The following SYTL2 variants were observed in gnomAD, a reference collection of about 807,000 sequenced individuals.
SYTL2 encodes synaptotagmin like 2, also known as synaptotagmin-like protein 2.
SYTL2 carries 165 observed loss-of-function variants against 198.7 expected under a neutral mutation model. That is an observed-to-expected ratio of 0.83 (90% CI 0.73 to 0.94). The LOEUF (loss-of-function observed/expected upper bound fraction) is 0.94. SYTL2 is among the 40% of genes least tolerant of loss of function. The pLI is 0.00. For missense variants in SYTL2, 2,835 were observed against 2,582.8 expected (o/e 1.10, Z -2.12); for synonymous variants, 966 against 917.7 (o/e 1.05, Z -0.95).
the SYTL2 span, among the ~76,000 whole-genome samples, chr11:85,840,522 A>G: frequency 6.6e-6 from 1 of 152,198 alleles, no homozygotes; most frequent in Non-Finnish European, 1.5e-5. Flanking sequence ...ACTGGTACAA[A>G]AACAGACAAA....
rs148198993 is a variant in SYTL2 at position 85,702,251 on chromosome 11, G to A, written c.6190-1658C>T. 2.7e-3 allele frequency among the ~76,000 whole-genome samples: 409 copies of A among 150,474 alleles called. 8 individuals are homozygous for A. Among genetic ancestry groups the A allele is most frequent in the South Asian group, 1.7e-3 (8 of 4,774 alleles). On this transcript the variant is annotated intron_variant, in intron 16 of 19. Transcript: ENST00000359152. ...GTTGCCCACACTGGAGTGCAATGGC[G>A]TGATCTCAGTTCATTGCAACCACCA...
intron 1 of SYTL2, among the ~76,000 whole-genome samples, chr11:85,760,935 T>TCC (rs901704941): frequency 1.3e-5 from 2 of 152,184 alleles, no homozygotes; most frequent in Non-Finnish European, 2.9e-5. Flanking sequence ...AAGAGAGCCC[T>TCC]CAGAGGGCAA....
At position 85,736,633 on chromosome 11, in the gene SYTL2, T is replaced by A; in HGVS notation, c.472-18A>T. The A allele has an allele frequency of 7.6e-7, 1 of 1,314,812 alleles. No individual in the cohort carries two copies. The highest frequency in any genetic ancestry group is 1.1e-6 in the Non-Finnish European group (1 of 915,062). 81.4% of individuals were successfully genotyped at this position (1,314,812 alleles called of 1,614,324 possible). On this transcript the variant is annotated intron_variant, in intron 5 of 19. Transcript: ENST00000359152. ...TTCCTCTGCTGGGGACAAATATTGT[T>A]TATTAAACTTATTTTAAATGTCATG...
At chr11:85,717,376 T>C (rs113185096) in intron 11 of SYTL2, 107 bp downstream of exon 11, 17,555 of 907,104 alleles carry the variant, frequency 0.019, 252 homozygotes, top group Non-Finnish European at 0.023. Flanking sequence ...TGCAGGAGTT[T>C]AGTGCCAATA....
intron 1 of SYTL2, among the ~76,000 whole-genome samples, chr11:85,778,885 G>A (rs2092507063): frequency 6.6e-6 from 1 of 152,180 alleles, no homozygotes; most frequent in Non-Finnish European, 1.5e-5. Context: ...GGCTGAGGTG[G>A]GAGAATGGCT....
At chr11:85,729,007 T>C (rs1483736478) in intron 7 of SYTL2, among the ~76,000 whole-genome samples, 2 of 152,108 alleles carry the variant, frequency 1.3e-5, no homozygotes, top group South Asian at 2.1e-4. Context: ...CATTACATAA[T>C]GGTAAAGGGA....
intron 1 of SYTL2, among the ~76,000 whole-genome samples, chr11:85,805,928 A>G (rs747074531): frequency 3.3e-5 from 5 of 152,248 alleles, no homozygotes; most frequent in Non-Finnish European, 7.3e-5. Context: ...GTATAAGATT[A>G]GGAAATGCTC....
At chr11:85,702,314 T>G (rs1210497969) in intron 16 of SYTL2, among the ~76,000 whole-genome samples, 1 of 151,964 alleles carries the variant, frequency 6.6e-6, no homozygotes, top group Non-Finnish European at 1.5e-5. Flanking sequence ...TTCAGCCTCT[T>G]GAGTAGCTGG....
chr11:85,805,891 T>C (rs1198196135), intron 1 of SYTL2, among the ~76,000 whole-genome samples: 1 of 152,214 alleles, frequency 6.6e-6, no homozygotes, highest in African/African-American at 2.4e-5. Context: ...ACCAAATCTA[T>C]ACTAGTAGCT....
At chr11:85,805,641 T>A (rs2092949323) in intron 1 of SYTL2, among the ~76,000 whole-genome samples, 2 of 152,184 alleles carry the variant, frequency 1.3e-5, no homozygotes, top group African/African-American at 2.4e-5. Context: ...ACAAAACACA[T>A]CTGTCTAATC....
intron 14 of SYTL2, among the ~76,000 whole-genome samples, chr11:85,708,905 G>A (rs749504689): frequency 7.9e-6 from 1 of 126,878 alleles, no homozygotes; most frequent in African/African-American, 3.1e-5. Flanking sequence ...GAGTGCAGTG[G>A]CCCGATCTCA....
chr11:85,763,173 G>C (rs1295275394), intron 1 of SYTL2, among the ~76,000 whole-genome samples: 1 of 152,206 alleles, frequency 6.6e-6, no homozygotes, highest in Non-Finnish European at 1.5e-5. Flanking sequence ...TCCTTGTGGA[G>C]ATTACTGTGA....
intron 18 of SYTL2, 151 bp downstream of exon 18, chr11:85,697,828 T>C: frequency 1.7e-6 from 1 of 588,940 alleles, no homozygotes; most frequent in South Asian, 2.3e-5. Flanking sequence ...GAGTTCATGA[T>C]ATAGATTCCT....
At chr11:85,825,230 T>G in the SYTL2 span, among the ~76,000 whole-genome samples, 1 of 151,548 alleles carries the variant, frequency 6.6e-6, no homozygotes, top group Admixed American at 6.6e-5. Flanking sequence ...CTACTAAAAA[T>G]ACAAAAAATT....
intron 1 of SYTL2, among the ~76,000 whole-genome samples, chr11:85,767,096 G>A (rs537162258): frequency 2.0e-5 from 3 of 152,228 alleles, no homozygotes; most frequent in Admixed American, 6.5e-5. Flanking sequence ...AGTTAAACAC[G>A]CATATTTGTA....
intron 1 of SYTL2, among the ~76,000 whole-genome samples, chr11:85,789,372 A>ATATG (rs2092694578): frequency 2.4e-5 from 1 of 41,918 alleles, no homozygotes; most frequent in Non-Finnish European, 4.4e-5. Flanking sequence ...ATATATATAT[A>ATATG]TATATGTATA....
At chr11:85,751,402 T>TCA (rs1294411054) in intron 2 of SYTL2, among the ~76,000 whole-genome samples, 1 of 152,212 alleles carries the variant, frequency 6.6e-6, no homozygotes, top group East Asian at 1.9e-4. Context: ...TTCTGAACTC[T>TCA]AATTACATCA....
chr11:85,776,900 G>T (rs1285396587), intron 1 of SYTL2, among the ~76,000 whole-genome samples: 1 of 152,140 alleles, frequency 6.6e-6, no homozygotes, highest in East Asian at 1.9e-4. Flanking sequence ...AAGACAATGG[G>T]GTGTATTTAA....
intron 1 of SYTL2, among the ~76,000 whole-genome samples, chr11:85,788,342 T>C (rs183698787): frequency 6.6e-6 from 1 of 152,298 alleles, no homozygotes; most frequent in East Asian, 1.9e-4. Context: ...GTTTGTGAGA[T>C]GAGTCATATT....
Sources: gnomAD v4.1 joint callset for allele counts (sites outside exome capture counted in the v4.1 genomes callset) on GRCh38, gnomAD v4.1.1 for gene constraint, MANE v1.5 for transcripts, NCBI Gene and HGNC (gene_info 2026-07-23, HGNC 2026-07-21) for gene names.